Variants in DLG2 observed in about 807,000 individuals in gnomAD.
DLG2 encodes disks large homolog 2.
DLG2 carries 45 observed loss-of-function variants against 132.5 expected under a neutral mutation model. That is an observed-to-expected ratio of 0.34 (90% confidence interval 0.27 to 0.44). The LOEUF is 0.44. DLG2 is among the 20% of genes least tolerant of loss of function. The pLI is 1.00. For synonymous variants in DLG2, 424 were observed against 419.6 expected (o/e 1.01, Z -0.13); for missense variants, 1,045 against 1,196.9 (o/e 0.87, Z 1.87).
intron 6 of DLG2, among the ~76,000 whole-genome samples, chr11:84,714,617 T>TC (rs2060938628): frequency 2.1e-4 from 20 of 96,632 alleles, no homozygotes; most frequent in South Asian, 1.5e-3. Context: ...CTCTTTCTCT[T>TC]TCTCTTTCTC....
At chr11:85,134,055 TGAGA>T (rs1353009394) in intron 5 of DLG2, among the ~76,000 whole-genome samples, 1 of 148,186 alleles carries the variant, frequency 6.7e-6, no homozygotes, top group African/African-American at 2.5e-5. Context: ...TGAGGGAGAG[TGAGA>T]GAGAGTGAAT....
At chr11:83,941,931 G>T (rs1401659108) in intron 14 of DLG2, among the ~76,000 whole-genome samples, 4 of 152,022 alleles carry the variant, frequency 2.6e-5, no homozygotes, top group African/African-American at 9.7e-5. Flanking sequence ...CATGGCACCG[G>T]CTACCTTTTC....
intron 3 of DLG2, chr11:85,524,947 A>AAAC (rs59750130): frequency 6.6e-6 from 1 of 152,004 alleles, no homozygotes; most frequent in Non-Finnish European, 1.5e-5. Flanking sequence ...CATGTTTGTG[A>AAAC]ATCTCAATGG....
intron 19 of DLG2, among the ~76,000 whole-genome samples, chr11:83,581,195 C>T (rs894747081): frequency 3.3e-5 from 5 of 152,036 alleles, no homozygotes; most frequent in Admixed American, 2.0e-4. Context: ...TCCTGCCCTT[C>T]TGTCCATTCC....
intron 6 of DLG2, among the ~76,000 whole-genome samples, chr11:84,619,766 T>G (rs1210081778): frequency 6.6e-6 from 1 of 151,620 alleles, no homozygotes; most frequent in African/African-American, 2.4e-5. Flanking sequence ...AAATGTAAAA[T>G]ATTTAAGGAA....
intron 18 of DLG2, among the ~76,000 whole-genome samples, chr11:83,672,399 A>G (rs927915039): frequency 2.6e-5 from 4 of 151,770 alleles, no homozygotes; most frequent in African/African-American, 9.7e-5. Context: ...CTGGTCTCAA[A>G]CTCCTGACCT....
intron 16 of DLG2, among the ~76,000 whole-genome samples, chr11:83,842,523 CAAAAAAA>C (rs771360645): frequency 4.3e-5 from 3 of 70,286 alleles, no homozygotes; most frequent in Non-Finnish European, 2.6e-5. Flanking sequence ...GAACCTGTCT[CAAAAAAA>C]AAAAAAAAAA....
At chr11:85,557,672 T>C (rs922959741) in intron 3 of DLG2, among the ~76,000 whole-genome samples, 1 of 151,832 alleles carries the variant, frequency 6.6e-6, no homozygotes, top group Admixed American at 6.6e-5. Context: ...CCTTCTGATC[T>C]TTGACAAAGT....
intron 8 of DLG2, among the ~76,000 whole-genome samples, chr11:84,202,144 A>G (rs1254074322): frequency 6.6e-6 from 1 of 151,996 alleles, no homozygotes; most frequent in African/African-American, 2.4e-5. Context: ...GGAACCAAAA[A>G]GAGCCCAAAT....
chr11:84,196,355 A>T (rs1195774764), intron 8 of DLG2, among the ~76,000 whole-genome samples: 1 of 152,208 alleles, frequency 6.6e-6, no homozygotes, highest in Non-Finnish European at 1.5e-5. Context: ...TATAGGGGTA[A>T]GAGAAAAAGA....
intron 3 of DLG2, among the ~76,000 whole-genome samples, chr11:85,484,974 T>A (rs990415457): frequency 3.3e-5 from 5 of 152,200 alleles, no homozygotes; most frequent in Non-Finnish European, 5.9e-5. Context: ...AATCATAGAC[T>A]GGATTAAGAA....
At chr11:83,835,564 G>T (rs2055907134) in intron 16 of DLG2, among the ~76,000 whole-genome samples, 2 of 152,172 alleles carry the variant, frequency 1.3e-5, no homozygotes, top group Non-Finnish European at 2.9e-5. Context: ...GAACTAGGAG[G>T]CCACTGTGGC....
chr11:84,078,100 G>A (rs1023897865), intron 10 of DLG2, among the ~76,000 whole-genome samples: 1 of 152,022 alleles, frequency 6.6e-6, no homozygotes, highest in African/African-American at 2.4e-5. Context: ...AATTGTATTG[G>A]GGATTCTTTT....
intron 7 of DLG2, among the ~76,000 whole-genome samples, chr11:84,413,887 C>A (rs1362179918): frequency 6.6e-6 from 1 of 152,110 alleles, no homozygotes; most frequent in Non-Finnish European, 1.5e-5. Context: ...CAGGAGGAAA[C>A]TAGCTGAGAG....
intron 6 of DLG2, among the ~76,000 whole-genome samples, chr11:84,537,804 A>C (rs1044545881): frequency 1.3e-5 from 2 of 152,222 alleles, no homozygotes; most frequent in African/African-American, 4.8e-5. Context: ...TGTTTGTTGA[A>C]TATAGCCATG....
At chr11:83,702,929 T>C (rs966599962) in intron 18 of DLG2, among the ~76,000 whole-genome samples, 1 of 152,222 alleles carries the variant, frequency 6.6e-6, no homozygotes, top group African/African-American at 2.4e-5. Flanking sequence ...TATACTCTGA[T>C]GGTAAGGAAT....
At chr11:84,969,100 T>A (rs556028715) in intron 6 of DLG2, among the ~76,000 whole-genome samples, 63 of 150,560 alleles carry the variant, frequency 4.2e-4, no homozygotes, top group African/African-American at 1.5e-3. Flanking sequence ...AGTACAGAAC[T>A]GTCTTCCCTC....
intron 3 of DLG2, among the ~76,000 whole-genome samples, chr11:85,360,991 T>C (rs1234878872): frequency 6.6e-6 from 1 of 152,194 alleles, no homozygotes; most frequent in Non-Finnish European, 1.5e-5. Context: ...TTCCCTATAG[T>C]ATTTCATTGT....
intron 18 of DLG2, chr11:83,682,552 T>TGTAG: frequency 1.5e-6 from 1 of 669,616 alleles, no homozygotes; most frequent in Non-Finnish European, 1.8e-6. Flanking sequence ...CTTGTTAAGG[T>TGTAG]GGATCCACCC....
Sources: allele counts gnomAD v4.1 joint callset (sites outside exome capture counted in the v4.1 genomes callset), GRCh38; gene constraint gnomAD v4.1.1; transcripts MANE v1.5; gene names NCBI Gene and HGNC (gene_info 2026-07-23, HGNC 2026-07-21).